The following RNFT2 variants were observed in gnomAD, a reference collection of about 807,000 sequenced individuals.
RNFT2 encodes ring finger protein, transmembrane 2, also known as E3 ubiquitin-protein ligase RNFT2.
RNFT2 carries 36 observed loss-of-function variants against 53.0 expected under a neutral mutation model. The ratio of observed to expected loss-of-function variants is 0.68; its 90% CI spans 0.52 to 0.90. The LOEUF is 0.90. Ranked by LOEUF, RNFT2 falls within the 40% of genes least tolerant of loss-of-function variation. The pLI is 0.00. For missense variants in RNFT2, 514 were observed against 585.6 expected, an observed-to-expected ratio of 0.88 and a Z score of 1.26; for synonymous variants, 260 against 253.2, an observed-to-expected ratio of 1.03 and a Z score of -0.26.
rs539240943 is a variant in RNFT2, at chr12:116,774,927, G to A, written c.729-4268G>A. ...TCAAAGCAGGCTGAGTCAAACTGGT[G>A]CACAGAAAGAGAGAGAGAGAGAGAG... is the stretch of plus-strand genomic sequence containing the variant. On this transcript the variant is annotated intron_variant, in intron 6 of 10. Coordinates refer to ENST00000257575, the MANE Select transcript of RNFT2 (RefSeq NM_001382266.1). Among the ~76,000 whole-genome samples the A allele has an allele frequency of 4.0e-5, 6 of 150,218 alleles. No individual in the cohort carries two copies. In the East Asian group the frequency reaches 1.2e-3, roughly 29 times the overall value.
At chr12:116,846,586 A>G (rs1490265637) in intron 10 of RNFT2, among the ~76,000 whole-genome samples, 1 of 151,748 alleles carries the variant, frequency 6.6e-6, no homozygotes, top group Non-Finnish European at 1.5e-5. Context: ...CACTGTGCCC[A>G]GTTTCTTTTT....
At chr12:116,831,766 A>G (rs952932880) in intron 7 of RNFT2, among the ~76,000 whole-genome samples, 10 of 151,490 alleles carry the variant, frequency 6.6e-5, no homozygotes, top group Non-Finnish European at 1.0e-4. Context: ...TTAGGAGTGT[A>G]TATTTCAATG....
rs371674780 is a variant in RNFT2, at chr12:116,758,700, A to G, written c.627+4640A>G. 1.5e-4 allele frequency among the ~76,000 whole-genome samples: 23 copies of G among 152,326 alleles called. No individual in the cohort carries two copies. In the East Asian group the frequency reaches 2.7e-3, roughly 18 times the overall value. On this transcript the variant is annotated intron_variant, in intron 5 of 10. Coordinates refer to ENST00000257575, the MANE Select transcript of RNFT2 (RefSeq NM_001382266.1). Reference sequence around the variant, plus strand: ...TGAAGATAGGGCCCCAATCCCTTCTAGCTTGTAGGGTTTCTGCTGAGAAAT... The same window carrying G: ...TGAAGATAGGGCCCCAATCCCTTCTGGCTTGTAGGGTTTCTGCTGAGAAAT...
intron 10 of RNFT2, among the ~76,000 whole-genome samples, chr12:116,838,022 TA>T (rs112216457): frequency 4.0e-5 from 6 of 151,592 alleles, no homozygotes; most frequent in Middle Eastern, 3.4e-3. Flanking sequence ...CATATTTTTT[TA>T]AAAAAAAACA....
intron 7 of RNFT2, among the ~76,000 whole-genome samples, chr12:116,786,401 G>A (rs879786232): frequency 2.0e-5 from 3 of 152,094 alleles, no homozygotes; most frequent in Non-Finnish European, 4.4e-5. Context: ...ATGAGCCACC[G>A]CGCCCGGCCG....
In RNFT2 at chr12:116,750,229, G is replaced by A. The variant is rs528542398; in HGVS notation, c.472G>A (p.Ala158Thr). The A allele has an allele frequency of 6.2e-7, 1 of 1,607,596 alleles. No homozygotes were observed. The highest frequency in any genetic ancestry group is 1.3e-5 in the African/African-American group (1 of 75,010). The change falls in exon 4 of 11, where the codon GCT becomes ACT. Residue 158 changes from alanine to threonine, a missense_variant. Ala to Thr is a moderately conservative substitution (Grantham distance 58). Transcript: ENST00000257575. The stretch of plus-strand genomic sequence containing the variant: ...CGCCCCCGCCCTGTCCGAGCTGAAG[G>A]CTGTGATCTGCTGGCTCCAGAAAGG... Reference protein sequence around the residue: ...TPAPALSELKAVICWLQKGLP... With the variant: ...TPAPALSELKTVICWLQKGLP...
At chr12:116,802,568 G>A (rs1874850379) in intron 7 of RNFT2, among the ~76,000 whole-genome samples, 1 of 152,174 alleles carries the variant, frequency 6.6e-6, no homozygotes, top group South Asian at 2.1e-4. Context: ...GCAGACATTG[G>A]GAATGATGTA....
intron 10 of RNFT2, among the ~76,000 whole-genome samples, chr12:116,842,389 A>G (rs1444507986): frequency 6.6e-6 from 1 of 151,982 alleles, no homozygotes; most frequent in Non-Finnish European, 1.5e-5. Context: ...TGCCTCTCAC[A>G]TGCCCGAGGT....
chr12:116,740,497 C>A lies in RNFT2; in HGVS notation c.-1C>A. The A allele has an allele frequency of 6.4e-7, 1 of 1,573,612 alleles. No individual in the cohort carries two copies. The highest frequency in any genetic ancestry group is 1.2e-5 in the South Asian group (1 of 85,534). ...GTCGTCAACATGGAGTTCTGAAGTCCATGTGGCTCTTCACAGTGAATCAGG... is the reference window on the plus strand; with the variant it reads ...GTCGTCAACATGGAGTTCTGAAGTCAATGTGGCTCTTCACAGTGAATCAGG... On this transcript the variant is annotated 5_prime_UTR_variant, in exon 2 of 11. Coordinates refer to ENST00000257575, the MANE Select transcript of RNFT2 (RefSeq NM_001382266.1).
In RNFT2 at chr12:116,750,310, G is replaced by T; in HGVS notation, c.550+3G>T. On this transcript the variant is annotated splice_donor_region_variant and intron_variant, in intron 4 of 10. Transcript: ENST00000257575. ...ACTGTGCTTTCAGCATAAGCTCGGT[G>T]AGTTCTGGGGGCATGGGTGTCCTAG... The T allele has an allele frequency of 6.3e-7, 1 of 1,593,442 alleles. No individual in the cohort carries two copies. The highest frequency in any genetic ancestry group is 1.1e-5 in the South Asian group (1 of 89,300).
At position 116,813,782 on chromosome 12, in the gene RNFT2, T is replaced by C. The variant is rs1026724708; in HGVS notation, c.883-20010T>C. On this transcript the variant is annotated intron_variant, in intron 7 of 10. Transcript: ENST00000257575. Reference sequence around the variant, plus strand: ...TATATTTTCTCTGAAGCAGGCAGTGTGAATTCAGTTGGAAGGGTCTACCAG... The same window carrying C: ...TATATTTTCTCTGAAGCAGGCAGTGCGAATTCAGTTGGAAGGGTCTACCAG... Among the ~76,000 whole-genome samples, 19 of 152,348 alleles carry C rather than the reference T, an allele frequency of 1.2e-4. 1 individual carries two copies. The highest frequency in any genetic ancestry group is 1.2e-3 in the Admixed American group (19 of 15,306).
At chr12:116,824,565 G>T (rs946109337) in intron 7 of RNFT2, among the ~76,000 whole-genome samples, 2 of 152,190 alleles carry the variant, frequency 1.3e-5, no homozygotes, top group Non-Finnish European at 2.9e-5. Context: ...GGTAGCAAGA[G>T]CACCAGCCAT....
chr12:116,821,407 T>C (rs1876015704), intron 7 of RNFT2, among the ~76,000 whole-genome samples: 2 of 152,330 alleles, frequency 1.3e-5, no homozygotes, highest in African/African-American at 4.8e-5. Flanking sequence ...AGCCCAGCCC[T>C]TCAAGCCTCC....
intron 1 of RNFT2, among the ~76,000 whole-genome samples, 170 bp from the exon 2 acceptor site, chr12:116,740,175 C>T (rs543000735): frequency 2.6e-5 from 4 of 151,212 alleles, no homozygotes; most frequent in South Asian, 4.2e-4. Context: ...GATCGCACCA[C>T]TCCGTCTTAA....
At chr12:116,834,410 C>A (rs111290164) in intron 8 of RNFT2, among the ~76,000 whole-genome samples, 1 of 152,152 alleles carries the variant, frequency 6.6e-6, no homozygotes, top group Non-Finnish European at 1.5e-5. Flanking sequence ...TGAGCCACCA[C>A]GCCCGGCCTC....
At chr12:116,779,441 G>A (rs1331169854) in intron 7 of RNFT2, 93 bp downstream of exon 7, 35 of 1,313,834 alleles carry the variant, frequency 2.7e-5, no homozygotes, top group Non-Finnish European at 3.7e-5. Context: ...ATGGATGAGG[G>A]TGGACTGATG....
intron 3 of RNFT2, among the ~76,000 whole-genome samples, chr12:116,741,840 G>A (rs10744882): frequency 0.7 from 105,980 of 151,926 alleles, 37,377 homozygotes; most frequent in East Asian, 0.98. Context: ...TGGTAGAGAC[G>A]GGGTCTCACT....
At chr12:116,742,638 G>A (rs564057213) in intron 3 of RNFT2, among the ~76,000 whole-genome samples, 6 of 152,152 alleles carry the variant, frequency 3.9e-5, no homozygotes, top group East Asian at 1.9e-4. Context: ...TATTGGCTGC[G>A]TGTGTAAAAC....
At chr12:116,809,896 A>G (rs1875285045) in intron 7 of RNFT2, among the ~76,000 whole-genome samples, 1 of 152,018 alleles carries the variant, frequency 6.6e-6, no homozygotes, top group African/African-American at 2.4e-5. Context: ...GCTGGTCACA[A>G]ACTCCCAACC....
Sources: gnomAD v4.1 joint callset for allele counts (sites outside exome capture counted in the v4.1 genomes callset) on GRCh38, gnomAD v4.1.1 for gene constraint, MANE v1.5 for transcripts, NCBI Gene and HGNC (gene_info 2026-07-23, HGNC 2026-07-21) for gene names.